Variants in ZNF66 observed in about 807,000 individuals in gnomAD.
ZNF66 encodes zinc finger protein 66, also known as putative zinc finger protein 66.
A neutral mutation model predicts 35.2 loss-of-function variants in ZNF66; 32 were observed. The ratio of observed to expected loss-of-function variants is 0.91; its 90% CI spans 0.69 to 1.22. The LOEUF (loss-of-function observed/expected upper bound fraction) is 1.22. Ranked by LOEUF, ZNF66 falls within the 50% of genes most tolerant of loss-of-function variation. The probability of loss-of-function intolerance (pLI) is 0.00; values close to 1 mark genes in which losing one functional copy is unlikely to be tolerated. For synonymous variants in ZNF66, 231 were observed against 181.3 expected (o/e 1.27, Z -2.20); for missense variants, 666 against 543.1 (o/e 1.23, Z -2.25).
intron 3 of ZNF66, among the ~76,000 whole-genome samples, chr19:20,797,029 T>A (rs1159286210): frequency 2.0e-5 from 3 of 151,960 alleles, no homozygotes; most frequent in Non-Finnish European, 4.4e-5. Flanking sequence ...TTTTGTATTT[T>A]TAGTAGAGAC....
At position 20,792,645 on chromosome 19, in the gene ZNF66, A is replaced by G; in HGVS notation, c.130+7A>G. The G allele has an allele frequency of 7.5e-7, 1 of 1,337,076 alleles. No homozygotes were observed. Among genetic ancestry groups the G allele is most frequent in the Non-Finnish European group, 1.1e-6 (1 of 946,828 alleles). The allele number at this position is 1,337,076 out of a possible 1,614,324, so 82.8% of individuals were successfully genotyped here. On this transcript the variant is annotated splice_region_variant and intron_variant, in intron 2 of 3. Transcript: ENST00000344519. ...AGAAACCTGGTCTTTCTTGGTGAGA[A>G]AAACTTTAATACATAACTCATAATA...
In ZNF66 at chr19:20,805,934, C is replaced by A. The variant is rs757539896; in HGVS notation, c.334C>A (p.Gln112Lys). 2.9e-6 allele frequency: 2 copies of A among 680,956 alleles called. No homozygotes were observed. Among genetic ancestry groups the A allele is most frequent in the African/African-American group, 3.6e-5 (2 of 55,614 alleles). 42.2% of individuals were successfully genotyped at this position (680,956 alleles called of 1,614,324 possible). ...RHKKCGHDNL[Q>K]LKKGCESVDK... The stretch of plus-strand genomic sequence containing the variant: ...TAAAAAATGTGGACATGATAATTTG[C>A]AGTTAAAAAAAGGCTGTGAAAGTGT... Residue 112 changes from glutamine to lysine, a missense_variant, in exon 4 of 4, where the codon CAG (glutamine) becomes AAG (lysine). By Grantham distance (53) the Gln-to-Lys change is moderately conservative (BLOSUM62 1). Transcript: ENST00000344519.
chr19:20,792,791 A>T (rs752766083), intron 2 of ZNF66, among the ~76,000 whole-genome samples, 153 bp downstream of exon 2: 94 of 152,250 alleles, frequency 6.2e-4, no homozygotes, highest in Non-Finnish European at 1.2e-3. Context: ...GAAAAGAATT[A>T]CTTTGGTGCC....
chr19:20,806,822 C>A lies in ZNF66; in HGVS notation c.1222C>A (p.His408Asn). Residue 408 changes from histidine (H) to asparagine (N), a missense_variant, in exon 4 of 4, where the codon CAC (histidine) becomes AAC (asparagine). Physicochemically the swap from His to Asn is moderately conservative, Grantham distance 68 (BLOSUM62 1). Coordinates refer to ENST00000344519, the MANE Select transcript of ZNF66 (RefSeq NM_001355197.2). ...TGAAGAATGTGGCAAAGTGTTTAAG[C>A]ACTCCTCTCCCCTTTCTAAACATAA... ...KCEECGKVFKHSSPLSKHKRI... is the reference protein window; with the variant it reads ...KCEECGKVFKNSSPLSKHKRI... The A allele has an allele frequency of 7.8e-7, 1 of 1,276,784 alleles. No homozygotes were observed. The highest frequency in any genetic ancestry group is 1.1e-6 in the Non-Finnish European group (1 of 880,254). The allele number at this position is 1,276,784 out of a possible 1,614,324, so 79.1% of individuals were successfully genotyped here.
chr19:20,806,122 AT>A lies in ZNF66; in HGVS notation c.525del (p.Phe175LeufsTer30), dbSNP rs772994980. 1.2e-5 allele frequency: 13 copies of A among 1,053,358 alleles called. No individual in the cohort carries two copies. The highest frequency in any genetic ancestry group is 3.9e-5 in the South Asian group (3 of 77,094). The allele number at this position is 1,053,358 out of a possible 1,614,324, so 65.3% of individuals were successfully genotyped here. A position where few individuals can be genotyped will look rare whatever the true frequency, so the allele number is the denominator to read the frequency against. ...IRHTGKNPCK[F>X]TECGKAFNRS... ...GACATACTGGAAAAAACCCTTGCAA[AT>A]TTACAGAATGTGGCAAAGCTTTTAA... is the stretch of plus-strand genomic sequence containing the variant. On this transcript the variant is annotated frameshift_variant, in exon 4 of 4. Coordinates refer to ENST00000344519, the MANE Select transcript of ZNF66 (RefSeq NM_001355197.2). LOFTEE classifies it high-confidence loss of function.
At chr19:20,778,672 A>G (rs1477732982) in intron 1 of ZNF66, among the ~76,000 whole-genome samples, 1 of 151,838 alleles carries the variant, frequency 6.6e-6, no homozygotes, top group Non-Finnish European at 1.5e-5. Context: ...ATTCCCAGCT[A>G]CTTGGGAGGC....
At position 20,776,363 on chromosome 19, in the gene ZNF66, T is replaced by C; in HGVS notation, c.-85T>C. ...TTCACTGCTCTCTGTCTTCTTCTCCTAGAGGCCCAGCCTCTGTGGCCCTGT... is the reference window on the plus strand; with the variant it reads ...TTCACTGCTCTCTGTCTTCTTCTCCCAGAGGCCCAGCCTCTGTGGCCCTGT... On this transcript the variant is annotated 5_prime_UTR_variant, in exon 1 of 4. Transcript: ENST00000344519. 4 of 1,506,400 alleles carry C rather than the reference T, an allele frequency of 2.7e-6. No individual in the cohort carries two copies. Among genetic ancestry groups the C allele is most frequent in the Non-Finnish European group, 3.7e-6 (4 of 1,084,592 alleles). 93.3% of individuals were successfully genotyped at this position (1,506,400 alleles called of 1,614,324 possible). A position where few individuals can be genotyped will look rare whatever the true frequency, so the allele number is the denominator to read the frequency against.
intron 1 of ZNF66, among the ~76,000 whole-genome samples, chr19:20,778,784 A>AC (rs1030742979): frequency 1.2e-4 from 17 of 139,908 alleles, no homozygotes; most frequent in African/African-American, 5.1e-4. Context: ...CTTCGTCTCA[A>AC]AAAAAAAAAA....
chr19:20,776,792 G>C (rs570062876), intron 1 of ZNF66, among the ~76,000 whole-genome samples: 50 of 152,206 alleles, frequency 3.3e-4, no homozygotes, highest in African/African-American at 1.2e-3. Flanking sequence ...TTTGGTCTGT[G>C]GGGTTCACAG....
At chr19:20,805,536 A>G (rs1341018122) in intron 3 of ZNF66, among the ~76,000 whole-genome samples, 1 of 152,044 alleles carries the variant, frequency 6.6e-6, no homozygotes, top group Non-Finnish European at 1.5e-5. Context: ...GAGAGCAGGA[A>G]GAGCTCTGTT....
chr19:20,781,225 T>A (rs1179361519), intron 1 of ZNF66, among the ~76,000 whole-genome samples: 1 of 152,220 alleles, frequency 6.6e-6, no homozygotes, highest in African/African-American at 2.4e-5. Flanking sequence ...CCCAGGGATT[T>A]AATTTTTTAT....
At chr19:20,792,934 G>A (rs1007613948) in intron 2 of ZNF66, among the ~76,000 whole-genome samples, 3 of 151,972 alleles carry the variant, frequency 2.0e-5, no homozygotes, top group African/African-American at 4.8e-5. Context: ...TGCGGGCTGT[G>A]GCATGCACCT....
chr19:20,807,296 A>C lies in ZNF66; in HGVS notation c.1696A>C (p.Lys566Gln). 1.5e-6 allele frequency: 1 copy of C among 656,672 alleles called. No individual in the cohort carries two copies. The highest frequency in any genetic ancestry group is 1.9e-5 in the South Asian group (1 of 52,724). 40.7% of individuals were successfully genotyped at this position (656,672 alleles called of 1,614,324 possible). A position where few individuals can be genotyped will look rare whatever the true frequency, so the allele number is the denominator to read the frequency against. ...AATTCATATGGGAGGGAATCCCTAC[A>C]AATGTGAAAATGTGGCAAAGCCTTA... ...EIIHMGGNPY[K>Q]CENVAKP Residue 566 changes from lysine (K) to glutamine (Q), a missense_variant, in exon 4 of 4, where the codon AAA becomes CAA. Physicochemically the swap from Lys to Gln is moderately conservative, Grantham distance 53. Transcript: ENST00000344519.
chr19:20,804,817 T>C (rs1971484094), intron 3 of ZNF66, among the ~76,000 whole-genome samples: 1 of 152,184 alleles, frequency 6.6e-6, no homozygotes, highest in Admixed American at 6.5e-5. Flanking sequence ...ATTTTGTGTT[T>C]ATTGTTTAGT....
chr19:20,781,394 C>A (rs965280961), intron 1 of ZNF66, among the ~76,000 whole-genome samples: 11 of 152,204 alleles, frequency 7.2e-5, no homozygotes, highest in African/African-American at 2.4e-4. Flanking sequence ...CACCCTCCAC[C>A]CTCAACTAGG....
Position 20,793,886 on chromosome 19 carries a change from T to A in ZNF66, c.226+8T>A, listed in dbSNP as rs752623757. 29 of 1,106,670 alleles carry A rather than the reference T, an allele frequency of 2.6e-5. No homozygotes were observed. The highest frequency in any genetic ancestry group is 3.5e-5 in the Non-Finnish European group (27 of 781,272). The allele number at this position is 1,106,670 out of a possible 1,614,324, so 68.6% of individuals were successfully genotyped here. On this transcript the variant is annotated splice_region_variant and intron_variant, in intron 3 of 3. Transcript: ENST00000344519. ...TGGTAGCCAACCCCTCAGGTAGGTG[T>A]GAGTGAAAATGAATACAACAGACAA...
chr19:20,801,097 G>C (rs1971443382), intron 3 of ZNF66, among the ~76,000 whole-genome samples: 1 of 151,944 alleles, frequency 6.6e-6, no homozygotes, highest in African/African-American at 2.4e-5. Flanking sequence ...ATCAGTCATT[G>C]TCCCATGGTC....
chr19:20,781,949 A>G (rs1971249426), intron 1 of ZNF66, among the ~76,000 whole-genome samples: 1 of 151,240 alleles, frequency 6.6e-6, no homozygotes, highest in Non-Finnish European at 1.5e-5. Context: ...ATTTTATTTT[A>G]TAGTTGGAGA....
intron 1 of ZNF66, among the ~76,000 whole-genome samples, chr19:20,789,578 A>G (rs1478711795): frequency 6.6e-6 from 1 of 152,174 alleles, no homozygotes; most frequent in Non-Finnish European, 1.5e-5. Flanking sequence ...AAAAAAGTAA[A>G]TATAAAGAGA....
Sources: gnomAD v4.1 joint callset for allele counts (sites outside exome capture counted in the v4.1 genomes callset) on GRCh38, gnomAD v4.1.1 for gene constraint, MANE v1.5 for transcripts, NCBI Gene and HGNC (gene_info 2026-07-23, HGNC 2026-07-21) for gene names.